PTBP2: variants seen among roughly 807,000 people sequenced by gnomAD.
PTBP2 encodes polypyrimidine tract-binding protein 2.
Under a neutral mutation model 61.4 loss-of-function variants are expected in PTBP2, and 13 were observed. That is an observed-to-expected ratio of 0.21 (90% CI 0.14 to 0.34). PTBP2 has a LOEUF of 0.34. PTBP2 is among the 10% of genes least tolerant of loss of function. The pLI is 1.00. For missense variants in PTBP2, 405 were observed against 642.6 expected (o/e 0.63, Z 4.00); for synonymous variants, 215 against 218.5 (o/e 0.98, Z 0.14).
At chr1:96,788,588 C>T (rs1449717091) in intron 8 of PTBP2, among the ~76,000 whole-genome samples, 4 of 151,966 alleles carry the variant, frequency 2.6e-5, no homozygotes, top group African/African-American at 9.7e-5. Context: ...CTCAGTCTTC[C>T]AGTAACAGTA....
At chr1:96,790,310 C>T (rs1180735148) in intron 8 of PTBP2, among the ~76,000 whole-genome samples, 2 of 149,858 alleles carry the variant, frequency 1.3e-5, no homozygotes, top group African/African-American at 4.9e-5. Context: ...CCTATTGTGT[C>T]TCAGTAGGAG....
chr1:96,756,975 T>C (rs775874244), intron 3 of PTBP2, among the ~76,000 whole-genome samples: 17 of 152,158 alleles, frequency 1.1e-4, no homozygotes, highest in Non-Finnish European at 2.1e-4. Flanking sequence ...GTTGTAACAA[T>C]GTGCCATCTG....
chr1:96,815,146 GAC>G (rs1467286659), downstream of PTBP2: 1 of 151,312 alleles, frequency 6.6e-6, no homozygotes, highest in African/African-American at 2.4e-5. Context: ...CTGCTTTAAA[GAC>G]ATAACTTTTA....
At chr1:96,749,037 T>C (rs1654195020) in intron 2 of PTBP2, among the ~76,000 whole-genome samples, 2 of 152,168 alleles carry the variant, frequency 1.3e-5, no homozygotes, top group South Asian at 4.1e-4. Flanking sequence ...TGAAGGCTGT[T>C]AAATCTCCTC....
chr1:96,738,769 T>C (rs1652579819), intron 2 of PTBP2, among the ~76,000 whole-genome samples: 1 of 152,182 alleles, frequency 6.6e-6, no homozygotes, highest in African/African-American at 2.4e-5. Context: ...AATACCACTT[T>C]AAAAAATCTG....
chr1:96,778,481 A>G lies in PTBP2; in HGVS notation c.708+535A>G, dbSNP rs151090821. Among the ~76,000 whole-genome samples, 185 of 152,104 alleles carry G rather than the reference A, an allele frequency of 1.2e-3. No individual in the cohort carries two copies. In the Middle Eastern group the frequency reaches 0.014, roughly 11 times the overall value. On this transcript the variant is annotated intron_variant, in intron 7 of 13. Transcript: ENST00000674951. The stretch of plus-strand genomic sequence containing the variant: ...TGTTACATATGGAGGATGTAAGGTC[A>G]TTGAGAGATGTAAAATTTCCCATCA...
chr1:96,778,797 T>G (rs942636246), intron 7 of PTBP2, among the ~76,000 whole-genome samples: 2 of 152,166 alleles, frequency 1.3e-5, no homozygotes, highest in African/African-American at 4.8e-5. Context: ...AGATCAAGAT[T>G]ACTTCTGTGG....
chr1:96,727,697 G>T (rs976316022), intron 2 of PTBP2, among the ~76,000 whole-genome samples: 1 of 152,040 alleles, frequency 6.6e-6, no homozygotes, highest in Non-Finnish European at 1.5e-5. Flanking sequence ...CTTTGGTGAA[G>T]TGTCTGTTTA....
At chr1:96,765,344 G>A (rs182316299) in intron 3 of PTBP2, among the ~76,000 whole-genome samples, 4 of 152,270 alleles carry the variant, frequency 2.6e-5, no homozygotes, top group Admixed American at 1.3e-4. Flanking sequence ...AGGTTTTGCC[G>A]TGTCGTATTT....
chr1:96,761,020 T>A (rs979087310), intron 3 of PTBP2, among the ~76,000 whole-genome samples: 2 of 152,198 alleles, frequency 1.3e-5, no homozygotes, highest in Admixed American at 1.3e-4. Flanking sequence ...GTAAGCATTG[T>A]ATGAAGCAAA....
rs999574097 is a variant in PTBP2 at position 96,721,838 on chromosome 1, G to C, written c.-27G>C. Reference sequence around the variant, plus strand: ...TCGCTGGCTGCGTGGCTCGGTTCTTGTGAGCGAAGCTTTGTCCGGTTCGGC... The same window carrying C: ...TCGCTGGCTGCGTGGCTCGGTTCTTCTGAGCGAAGCTTTGTCCGGTTCGGC... On this transcript the variant is annotated 5_prime_UTR_variant, in exon 1 of 14. Transcript: ENST00000674951. 4 of 1,561,310 alleles carry C rather than the reference G, an allele frequency of 2.6e-6. No individual in the cohort carries two copies. The highest frequency in any genetic ancestry group is 3.5e-6 in the Non-Finnish European group (4 of 1,152,770).
chr1:96,733,868 G>T (rs887683335), intron 2 of PTBP2, among the ~76,000 whole-genome samples: 61 of 152,180 alleles, frequency 4.0e-4, no homozygotes, highest in African/African-American at 1.4e-3. Context: ...TCAGGATGAA[G>T]ACCTTTATTA....
At chr1:96,811,243 T>C (rs1353304767) in intron 11 of PTBP2, among the ~76,000 whole-genome samples, 1 of 152,172 alleles carries the variant, frequency 6.6e-6, no homozygotes, top group African/African-American at 2.4e-5. Flanking sequence ...AATTGGTTTA[T>C]TATACATGTA....
chr1:96,775,664 C>CT (rs1448240139), intron 5 of PTBP2, among the ~76,000 whole-genome samples: 2 of 151,908 alleles, frequency 1.3e-5, no homozygotes, highest in Non-Finnish European at 2.9e-5. Context: ...TTTTATGGAG[C>CT]TTTATACTTA....
At chr1:96,769,301 T>C (rs1376350468) in intron 3 of PTBP2, among the ~76,000 whole-genome samples, 1 of 151,956 alleles carries the variant, frequency 6.6e-6, no homozygotes, top group African/African-American at 2.4e-5. Flanking sequence ...ACAATAAAAA[T>C]ATGGTATTAT....
intron 3 of PTBP2, among the ~76,000 whole-genome samples, chr1:96,761,120 G>A (rs1264830360): frequency 6.6e-6 from 1 of 152,150 alleles, no homozygotes; most frequent in African/African-American, 2.4e-5. Flanking sequence ...TTAGAAACCA[G>A]AATGTTGGAG....
intron 3 of PTBP2, among the ~76,000 whole-genome samples, chr1:96,751,858 A>G (rs192577523): frequency 1.5e-3 from 228 of 152,142 alleles, no homozygotes; most frequent in Non-Finnish European, 2.7e-3. Context: ...TTATGCCACA[A>G]ACCCTAAAAC....
chr1:96,754,457 G>A (rs896057052), intron 3 of PTBP2, among the ~76,000 whole-genome samples: 1 of 152,146 alleles, frequency 6.6e-6, no homozygotes, highest in Non-Finnish European at 1.5e-5. Context: ...TATTTTACCT[G>A]AAGTGATACA....
rs116319977 is a variant in PTBP2 at position 96,768,282 on chromosome 1, A to G, written c.116-1421A>G. Reference sequence around the variant, plus strand: ...CCCTCAGAACGTAAAACATTGCTAGACACATCCCTGAATACCCAGTAAATG... The same window carrying G: ...CCCTCAGAACGTAAAACATTGCTAGGCACATCCCTGAATACCCAGTAAATG... On this transcript the variant is annotated intron_variant, in intron 3 of 13. Transcript: ENST00000674951. Among the ~76,000 whole-genome samples the G allele has an allele frequency of 5.0e-3, 761 of 152,188 alleles. 4 individuals are homozygous for G. The highest frequency in any genetic ancestry group is 0.018 in the African/African-American group (729 of 41,540).
Sources: gnomAD v4.1 joint callset for allele counts (sites outside exome capture counted in the v4.1 genomes callset) on GRCh38, gnomAD v4.1.1 for gene constraint, MANE v1.5 for transcripts, NCBI Gene and HGNC (gene_info 2026-07-23, HGNC 2026-07-21) for gene names.